The following KCNH8 variants were observed in gnomAD, a reference collection of about 807,000 sequenced individuals.
The protein encoded by KCNH8 is potassium voltage-gated channel subfamily H member 8.
A neutral mutation model predicts 103.6 loss-of-function variants in KCNH8; 70 were observed. The observed-to-expected ratio is 0.68, with a 90% CI of 0.56 to 0.82. The LOEUF (loss-of-function observed/expected upper bound fraction) is 0.82. KCNH8 is among the 40% of genes least tolerant of loss of function. KCNH8 has a pLI of 0.00. For synonymous variants in KCNH8, 498 were observed against 489.4 expected, an observed-to-expected ratio of 1.02 and a Z score of -0.23; for missense variants, 1,217 against 1,329.9, an observed-to-expected ratio of 0.92 and a Z score of 1.32.
At chr3:19,177,100 C>T (rs546497949) in intron 1 of KCNH8, among the ~76,000 whole-genome samples, 1 of 152,072 alleles carries the variant, frequency 6.6e-6, no homozygotes. Flanking sequence ...CAGCATTATA[C>T]TTCTGAGCCA....
intron 3 of KCNH8, among the ~76,000 whole-genome samples, chr3:19,330,806 A>G (rs1575532152): frequency 6.6e-6 from 1 of 152,232 alleles, no homozygotes; most frequent in African/African-American, 2.4e-5. Context: ...TCATTTCCTC[A>G]TAACTTATTT....
At chr3:19,526,478 A>G (rs1188890067) in intron 15 of KCNH8, among the ~76,000 whole-genome samples, 2 of 152,004 alleles carry the variant, frequency 1.3e-5, no homozygotes, top group African/African-American at 2.4e-5. Context: ...ATTGTCAAAG[A>G]TAATTTTTCT....
chr3:19,508,543 G>T (rs2068733892), intron 11 of KCNH8, among the ~76,000 whole-genome samples: 1 of 152,058 alleles, frequency 6.6e-6, no homozygotes, highest in Non-Finnish European at 1.5e-5. Flanking sequence ...GAATTAATGG[G>T]CATAATGTCT....
chr3:19,490,984 TTTCCAATAAA>T (rs2068307612), intron 11 of KCNH8, among the ~76,000 whole-genome samples: 1 of 152,144 alleles, frequency 6.6e-6, no homozygotes, highest in African/African-American at 2.4e-5. Flanking sequence ...AAATGCTGAG[TTTCCAATAAA>T]AAAAATACTC....
At chr3:19,178,645 G>T (rs1357822662) in intron 1 of KCNH8, among the ~76,000 whole-genome samples, 1 of 152,160 alleles carries the variant, frequency 6.6e-6, no homozygotes, top group Non-Finnish European at 1.5e-5. Flanking sequence ...GAAAGGGAGT[G>T]TGGTCCTCCA....
intron 3 of KCNH8, among the ~76,000 whole-genome samples, chr3:19,338,303 C>T (rs545502103): frequency 6.6e-6 from 1 of 151,972 alleles, no homozygotes; most frequent in Non-Finnish European, 1.5e-5. Flanking sequence ...GATCCTCACA[C>T]CTTGTCTTTG....
At chr3:19,430,299 A>C (rs1297658825) in intron 7 of KCNH8, among the ~76,000 whole-genome samples, 1 of 151,972 alleles carries the variant, frequency 6.6e-6, no homozygotes. Flanking sequence ...TTATTTCTGG[A>C]TTCCCTATTC....
chr3:19,241,723 G>GACACACAC (rs71055059), intron 1 of KCNH8, among the ~76,000 whole-genome samples: 4,632 of 147,772 alleles, frequency 0.031, 252 homozygotes, highest in African/African-American at 0.11. Context: ...TACACACACA[G>GACACACAC]ACACACACAC....
At chr3:19,496,327 G>C (rs982928495) in intron 11 of KCNH8, among the ~76,000 whole-genome samples, 1 of 152,100 alleles carries the variant, frequency 6.6e-6, no homozygotes, top group African/African-American at 2.4e-5. Flanking sequence ...GTTGGCTGTG[G>C]ATTTGTTATA....
At chr3:19,313,425 G>C (rs188811012) in intron 3 of KCNH8, among the ~76,000 whole-genome samples, 1 of 151,736 alleles carries the variant, frequency 6.6e-6, no homozygotes, top group Non-Finnish European at 1.5e-5. Context: ...AAAATAATTG[G>C]AATATAACAT....
At chr3:19,430,010 G>C (rs2067096196) in intron 7 of KCNH8, among the ~76,000 whole-genome samples, 1 of 152,124 alleles carries the variant, frequency 6.6e-6, no homozygotes, top group Non-Finnish European at 1.5e-5. Context: ...CTTGTGAATA[G>C]TGCTGCAATG....
chr3:19,251,740 A>C (rs2064280831), intron 1 of KCNH8, among the ~76,000 whole-genome samples: 1 of 152,158 alleles, frequency 6.6e-6, no homozygotes, highest in South Asian at 2.1e-4. Context: ...GTGGGATAAA[A>C]TTCAAAAGGT....
intron 10 of KCNH8, 123 bp from the exon 11 acceptor site, chr3:19,456,645 A>AAGGTAAAC: frequency 1.5e-6 from 1 of 658,808 alleles, no homozygotes; most frequent in Non-Finnish European, 2.7e-6. Context: ...GCCCTGCCCC[A>AAGGTAAAC]AGGTAAACAT....
At chr3:19,332,016 T>G (rs541126287) in intron 3 of KCNH8, among the ~76,000 whole-genome samples, 15 of 151,876 alleles carry the variant, frequency 9.9e-5, no homozygotes, top group South Asian at 6.2e-4. Context: ...ATTAGTACTT[T>G]AAGGATGTAT....
intron 11 of KCNH8, among the ~76,000 whole-genome samples, chr3:19,498,746 A>C (rs148620562): frequency 0.083 from 12,668 of 152,166 alleles, 705 homozygotes; most frequent in African/African-American, 0.15. Context: ...GGTGATGTAC[A>C]GATGGGTTTT....
intron 3 of KCNH8, among the ~76,000 whole-genome samples, chr3:19,285,918 G>A (rs2064825600): frequency 6.6e-6 from 1 of 152,192 alleles, no homozygotes; most frequent in South Asian, 2.1e-4. Flanking sequence ...TCAGCAAGAG[G>A]TAGAGCAGAG....
chr3:19,171,294 A>G (rs907010254), intron 1 of KCNH8, among the ~76,000 whole-genome samples: 8 of 152,176 alleles, frequency 5.3e-5, no homozygotes, highest in Non-Finnish European at 8.8e-5. Context: ...CAATTTTTCT[A>G]CTTTCTGAAA....
intron 5 of KCNH8, among the ~76,000 whole-genome samples, chr3:19,385,877 C>T (rs1336667060): frequency 2.0e-5 from 3 of 152,150 alleles, no homozygotes; most frequent in Non-Finnish European, 4.4e-5. Flanking sequence ...ACATTGATTA[C>T]TTTTTAAAGA....
chr3:19,385,298 C>A (rs930585991), intron 5 of KCNH8, among the ~76,000 whole-genome samples: 1 of 152,022 alleles, frequency 6.6e-6, no homozygotes, highest in Non-Finnish European at 1.5e-5. Context: ...AAACTATATG[C>A]ACCCCCAAAA....
Sources: gnomAD v4.1 joint callset for allele counts (sites outside exome capture counted in the v4.1 genomes callset) on GRCh38, gnomAD v4.1.1 for gene constraint, MANE v1.5 for transcripts, NCBI Gene and HGNC (gene_info 2026-07-23, HGNC 2026-07-21) for gene names.